NCKAP1: variants seen among roughly 807,000 people sequenced by gnomAD.
NCKAP1 encodes NCK associated protein 1.
A neutral mutation model predicts 151.2 loss-of-function variants in NCKAP1; 21 were observed. The ratio of observed to expected loss-of-function variants is 0.14; its 90% CI spans 0.10 to 0.20. The LOEUF (loss-of-function observed/expected upper bound fraction) is 0.20. NCKAP1 is among the 10% of genes least tolerant of loss of function. The probability of loss-of-function intolerance (pLI) is 1.00; values close to 1 mark genes in which losing one functional copy is unlikely to be tolerated. For synonymous variants in NCKAP1, 484 were observed against 451.8 expected (o/e 1.07, Z -0.90); for missense variants, 933 against 1,352.1 (o/e 0.69, Z 4.86).
intron 15 of NCKAP1, among the ~76,000 whole-genome samples, chr2:182,970,640 A>T (rs1697668238): frequency 6.6e-6 from 1 of 152,212 alleles, no homozygotes; most frequent in Admixed American, 6.5e-5. Flanking sequence ...GCCATAGATG[A>T]TGAACCCGCA....
intron 30 of NCKAP1, among the ~76,000 whole-genome samples, chr2:182,926,310 T>C (rs1168017669): frequency 2.0e-5 from 3 of 151,940 alleles, no homozygotes; most frequent in Non-Finnish European, 2.9e-5. Context: ...ATTTGAGCTG[T>C]GGGATGTGCT....
chr2:182,975,589 T>C (rs1385857745), intron 15 of NCKAP1, among the ~76,000 whole-genome samples: 2 of 152,136 alleles, frequency 1.3e-5, no homozygotes, highest in East Asian at 1.9e-4. Context: ...ATTAAACAAA[T>C]AGAAATTTTA....
At chr2:183,022,646 T>C (rs1177163685) in intron 2 of NCKAP1, among the ~76,000 whole-genome samples, 1 of 152,090 alleles carries the variant, frequency 6.6e-6, no homozygotes, top group African/African-American at 2.4e-5. Context: ...TTATGAAACC[T>C]CTACTAACCT....
In NCKAP1 at chr2:182,928,889, A is replaced by G. The variant is rs1395290555; in HGVS notation, c.2964T>C (p.Ser988=). Residue 988 remains serine, a synonymous_variant, in exon 28 of 31, where the codon AGT becomes AGC. Coordinates refer to ENST00000361354, the MANE Select transcript of NCKAP1 (RefSeq NM_013436.5). ...AGGCAATTTTATACTCTTCTTCTGG[A>G]CTAATGTTTTCTAAGAGACAAAAAT... ...ALSSQKSENI[S]PEEEYKIACL... is the part of the protein sequence containing the mutation. 1 of 1,602,904 alleles carries G rather than the reference A, an allele frequency of 6.2e-7. No homozygotes were observed. Among genetic ancestry groups the G allele is most frequent in the Non-Finnish European group, 8.5e-7 (1 of 1,173,046 alleles).
In NCKAP1 at chr2:182,995,835, G is replaced by A; in HGVS notation, c.607C>T (p.Leu203Phe). 1 of 1,607,832 alleles carries A rather than the reference G, an allele frequency of 6.2e-7. No individual in the cohort carries two copies. Among genetic ancestry groups the A allele is most frequent in the Non-Finnish European group, 8.5e-7 (1 of 1,174,740 alleles). ...TGAAGAGAAATTAGTGCATCTGAAAGAGACTAATTAAAATACGAAAAAAAA... is the reference window on the plus strand; with the variant it reads ...TGAAGAGAAATTAGTGCATCTGAAAAAGACTAATTAAAATACGAAAAAAAA... Reference protein sequence around the residue: ...MEEFVPHSKSLSDALISLQMV... With the variant: ...MEEFVPHSKSFSDALISLQMV... The change falls in exon 7 of 31, where the codon CTT becomes TTT. Residue 203 changes from leucine to phenylalanine, a missense_variant. Leu to Phe is a conservative substitution (Grantham distance 22). Coordinates refer to ENST00000361354, the MANE Select transcript of NCKAP1 (RefSeq NM_013436.5).
chr2:182,950,456 T>G (rs760695755), intron 23 of NCKAP1, among the ~76,000 whole-genome samples: 9 of 152,114 alleles, frequency 5.9e-5, no homozygotes, highest in Non-Finnish European at 8.8e-5. Flanking sequence ...AATTTCTTAT[T>G]TGAGAACAGT....
At chr2:182,993,915 C>T (rs1698217186) in intron 8 of NCKAP1, among the ~76,000 whole-genome samples, 1 of 152,188 alleles carries the variant, frequency 6.6e-6, no homozygotes, top group African/African-American at 2.4e-5. Context: ...GCAAATACAA[C>T]AAGCTATTAG....
At chr2:182,939,607 A>G (rs1223709187) in intron 24 of NCKAP1, among the ~76,000 whole-genome samples, 2 of 152,148 alleles carry the variant, frequency 1.3e-5, no homozygotes, top group Non-Finnish European at 2.9e-5. Flanking sequence ...ATTCAGACCT[A>G]CTTTTAATTA....
At chr2:183,019,298 G>A (rs2105890765) in intron 2 of NCKAP1, among the ~76,000 whole-genome samples, 2 of 151,846 alleles carry the variant, frequency 1.3e-5, no homozygotes, top group Middle Eastern at 6.8e-3. Flanking sequence ...TATTTTTACT[G>A]TTTTAAAAAA....
chr2:182,927,956 C>A (rs1696682559), intron 29 of NCKAP1, among the ~76,000 whole-genome samples, 161 bp downstream of exon 29: 1 of 151,952 alleles, frequency 6.6e-6, no homozygotes, highest in African/African-American at 2.4e-5. Flanking sequence ...TAAAAGGAGA[C>A]TGAAATTCAT....
chr2:182,952,048 C>T (rs1271629118), intron 23 of NCKAP1, among the ~76,000 whole-genome samples: 1 of 152,130 alleles, frequency 6.6e-6, no homozygotes, highest in Non-Finnish European at 1.5e-5. Context: ...CAAATACATT[C>T]AAACCGCAAG....
Position 182,934,741 on chromosome 2 carries a change from T to G in NCKAP1, c.2859+11A>C. On this transcript the variant is annotated intron_variant, in intron 26 of 30. Coordinates refer to ENST00000361354, the MANE Select transcript of NCKAP1 (RefSeq NM_013436.5). ...GAGACTGTAAACCCCAACTATAAAT[T>G]ATATTATTACCTTCATATCAGTTTC... 1 of 1,300,610 alleles carries G rather than the reference T, an allele frequency of 7.7e-7. No individual in the cohort carries two copies. Among genetic ancestry groups the G allele is most frequent in the Admixed American group, 2.0e-5 (1 of 50,512 alleles). The allele number at this position is 1,300,610 out of a possible 1,614,324, so 80.6% of individuals were successfully genotyped here.
chr2:182,996,481 G>A (rs1031913505), intron 6 of NCKAP1, among the ~76,000 whole-genome samples: 6 of 150,580 alleles, frequency 4.0e-5, no homozygotes, highest in African/African-American at 1.2e-4. Context: ...TTTTTGAGAC[G>A]GAGTCTCGCT....
chr2:182,990,011 T>C (rs1173468978), intron 8 of NCKAP1, among the ~76,000 whole-genome samples: 1 of 149,636 alleles, frequency 6.7e-6, no homozygotes, highest in African/African-American at 2.4e-5. Context: ...ATATATAATT[T>C]ATATATATAT....
In NCKAP1 at chr2:182,976,959, A is replaced by G; in HGVS notation, c.1424-8T>C. The G allele has an allele frequency of 6.7e-7, 1 of 1,486,694 alleles. No individual in the cohort carries two copies. 92.1% of individuals were successfully genotyped at this position (1,486,694 alleles called of 1,614,324 possible). The stretch of plus-strand genomic sequence containing the variant: ...ATACTTCCCCATCTTCAACTGTAGT[A>G]ATAGAAAAAAAAAAAAGATTACAAA... On this transcript the variant is annotated splice_polypyrimidine_tract_variant and splice_region_variant and intron_variant, in intron 14 of 30. Coordinates refer to ENST00000361354, the MANE Select transcript of NCKAP1 (RefSeq NM_013436.5).
intron 23 of NCKAP1, among the ~76,000 whole-genome samples, chr2:182,944,911 G>A (rs989160218): frequency 6.6e-6 from 1 of 152,102 alleles, no homozygotes; most frequent in African/African-American, 2.4e-5. Flanking sequence ...AGACCAGCCT[G>A]GGCAACACAG....
At chr2:183,007,392 T>C (rs1559103889) in intron 2 of NCKAP1, among the ~76,000 whole-genome samples, 1 of 152,204 alleles carries the variant, frequency 6.6e-6, no homozygotes, top group Admixed American at 6.5e-5. Flanking sequence ...TTAATCTTTG[T>C]TCAATTAAGA....
intron 19 of NCKAP1, chr2:182,956,802 T>C: frequency 2.1e-6 from 1 of 471,906 alleles, no homozygotes; most frequent in Non-Finnish European, 3.6e-6. Flanking sequence ...TTTCTACCTT[T>C]AGGTAGTAAT....
chr2:182,969,334 G>C (rs983044409), intron 15 of NCKAP1, among the ~76,000 whole-genome samples: 1 of 152,066 alleles, frequency 6.6e-6, no homozygotes, highest in Admixed American at 6.6e-5. Flanking sequence ...TAAACAATAT[G>C]CTCCTGAACA....
Sources: gnomAD v4.1 joint callset for allele counts (sites outside exome capture counted in the v4.1 genomes callset) on GRCh38, gnomAD v4.1.1 for gene constraint, MANE v1.5 for transcripts, NCBI Gene and HGNC (gene_info 2026-07-23, HGNC 2026-07-21) for gene names.